Variants in VPS13C observed in about 807,000 individuals in gnomAD.
VPS13C encodes vacuolar protein sorting 13 homolog C.
VPS13C carries 358 observed loss-of-function variants against 456.8 expected under a neutral mutation model. That is an observed-to-expected ratio of 0.78 (90% CI 0.72 to 0.86). The LOEUF (loss-of-function observed/expected upper bound fraction) is 0.86, where lower values mean the gene tolerates loss of function less well. Ranked by LOEUF, VPS13C falls within the 40% of genes least tolerant of loss-of-function variation. VPS13C has a pLI of 0.00. For missense variants in VPS13C, 4,818 were observed against 4,385.4 expected, an observed-to-expected ratio of 1.10 and a Z score of -2.79; for synonymous variants, 1,578 against 1,486.7, an observed-to-expected ratio of 1.06 and a Z score of -1.41.
At chr15:62,049,221 G>T (rs2048535613) in intron 1 of VPS13C, among the ~76,000 whole-genome samples, 1 of 152,166 alleles carries the variant, frequency 6.6e-6, no homozygotes, top group African/African-American at 2.4e-5. Flanking sequence ...TTCTTCTAGG[G>T]TTTTTATGGT....
intron 18 of VPS13C, among the ~76,000 whole-genome samples, chr15:61,990,798 G>T (rs562771003): frequency 6.6e-6 from 1 of 152,054 alleles, no homozygotes; most frequent in Admixed American, 6.6e-5. Context: ...GTGACAGAGC[G>T]AGACTCCATC....
At chr15:62,015,857 G>T (rs1266055828) in intron 9 of VPS13C, among the ~76,000 whole-genome samples, 1 of 135,004 alleles carries the variant, frequency 7.4e-6, no homozygotes, top group Non-Finnish European at 1.6e-5. Context: ...TGGGTGCAGC[G>T]CACCAGCATG....
At chr15:62,047,748 A>C (rs777802399) in intron 1 of VPS13C, among the ~76,000 whole-genome samples, 1 of 152,172 alleles carries the variant, frequency 6.6e-6, no homozygotes, top group South Asian at 2.1e-4. Context: ...TCTCCACTAA[A>C]CTGCATGCTA....
chr15:62,047,564 C>G (rs948285587), intron 1 of VPS13C, among the ~76,000 whole-genome samples: 3 of 152,188 alleles, frequency 2.0e-5, no homozygotes, highest in Non-Finnish European at 2.9e-5. Context: ...ATAATACATT[C>G]TCCAAGTTAT....
intron 1 of VPS13C, among the ~76,000 whole-genome samples, chr15:62,047,465 T>C (rs2048454304): frequency 6.6e-6 from 1 of 151,962 alleles, no homozygotes; most frequent in Admixed American, 6.6e-5. Flanking sequence ...GCAGTATCTA[T>C]TTCTGCCACC....
At chr15:61,909,295 T>C (rs2043233941) in intron 64 of VPS13C, among the ~76,000 whole-genome samples, 170 bp from the exon 65 acceptor site, 1 of 152,128 alleles carries the variant, frequency 6.6e-6, no homozygotes, top group South Asian at 2.1e-4. Flanking sequence ...GCAACCTCCA[T>C]CTCCCAGGTT....
Position 61,934,246 on chromosome 15 carries a change from A to C in VPS13C, c.5841T>G (p.Ile1947Met), listed in dbSNP as rs764419379. 3.1e-6 allele frequency: 5 copies of C among 1,596,122 alleles called. No individual in the cohort carries two copies. Among genetic ancestry groups the C allele is most frequent in the Non-Finnish European group, 3.4e-6 (4 of 1,169,962 alleles). ...GGTTGATATCATTGTTATAAAGGAT[A>C]ATGGAAAGAGATTCAAAGTGAAAGT... is the stretch of plus-strand genomic sequence containing the variant. Reference protein sequence around the residue: ...QFDFHFESLSIILYNNDINQE... With the variant: ...QFDFHFESLSMILYNNDINQE... The change falls in exon 49 of 85, where the codon ATT (isoleucine) becomes ATG (methionine). Residue 1947 changes from isoleucine (I) to methionine (M), a missense_variant. By Grantham distance (10) the Ile-to-Met change is conservative. Around this residue, in one of 3 missense-constraint regions of VPS13C, gnomAD observed 4,552 missense variants for 4,130.6 expected, o/e 1.10. Transcript: ENST00000644861.
intron 26 of VPS13C, 118 bp from the exon 27 acceptor site, chr15:61,972,882 A>G: frequency 8.8e-7 from 1 of 1,131,304 alleles, no homozygotes; most frequent in South Asian, 1.9e-5. Flanking sequence ...CTTCATATTC[A>G]GCATCAGAAT....
intron 15 of VPS13C, among the ~76,000 whole-genome samples, chr15:62,005,477 C>T (rs1450405044): frequency 6.6e-6 from 1 of 151,974 alleles, no homozygotes; most frequent in Non-Finnish European, 1.5e-5. Context: ...ATCCAATTTG[C>T]CAGTCTGTGT....
In VPS13C at chr15:62,033,514, T is replaced by G; in HGVS notation, c.312A>C (p.Glu104Asp). The change falls in exon 5 of 85, where the codon GAA becomes GAC. Residue 104 changes from glutamate (E) to aspartate (D), a missense_variant. Transcript: ENST00000644861. The part of the protein sequence containing the change: ...ASIKYDAVKE[E>D]KSLQDVKQKE... ...TCTGTTTAACATCCTGCAAGGATTT[T>G]TCTTCTTTTACAGCATCATACTTAA... is the stretch of plus-strand genomic sequence containing the variant. The G allele has an allele frequency of 1.9e-6, 3 of 1,606,270 alleles. No homozygotes were observed. Among genetic ancestry groups the G allele is most frequent in the Non-Finnish European group, 2.6e-6 (3 of 1,175,706 alleles).
rs1321776028 is a variant in VPS13C, at chr15:61,984,754, A to G, written c.1721+103T>C. Reference sequence around the variant, plus strand: ...ATCTTGACATATACAAGGAAAAGAAATTAAAGAGCTGGCACTAATCATTTT... The same window carrying G: ...ATCTTGACATATACAAGGAAAAGAAGTTAAAGAGCTGGCACTAATCATTTT... On this transcript the variant is annotated intron_variant, in intron 19 of 84. Transcript: ENST00000644861. The G allele has an allele frequency of 3.4e-6, 4 of 1,193,480 alleles. No homozygotes were observed. The African/African-American group carries it at 6.3e-5, about 19-fold the overall frequency. The allele number at this position is 1,193,480 out of a possible 1,614,324, so 73.9% of individuals were successfully genotyped here.
At chr15:62,023,910 A>G in intron 6 of VPS13C, 65 bp from the exon 7 acceptor site, 1 of 1,442,846 alleles carries the variant, frequency 6.9e-7, no homozygotes, top group Non-Finnish European at 9.4e-7. Flanking sequence ...ACAGGACAGA[A>G]AAGAAAACAA....
intron 82 of VPS13C, among the ~76,000 whole-genome samples, chr15:61,860,416 T>C (rs971540856): frequency 6.6e-6 from 1 of 152,114 alleles, no homozygotes; most frequent in African/African-American, 2.4e-5. Flanking sequence ...TTCTGAAAAA[T>C]GACTTGGCGA....
intron 40 of VPS13C, 64 bp from the exon 41 acceptor site, chr15:61,950,481 T>C (rs1567038758): frequency 8.9e-6 from 11 of 1,231,598 alleles, no homozygotes; most frequent in East Asian, 2.4e-5. Context: ...ACTGAAAATA[T>C]ACATATTCTT....
At chr15:61,883,731 C>T (rs191769052) in intron 68 of VPS13C, among the ~76,000 whole-genome samples, 1 of 152,124 alleles carries the variant, frequency 6.6e-6, no homozygotes, top group African/African-American at 2.4e-5. Context: ...TGTAATTTTA[C>T]ACGGTCTTTA....
intron 15 of VPS13C, among the ~76,000 whole-genome samples, chr15:62,001,862 G>A (rs973707631): frequency 3.9e-5 from 6 of 152,152 alleles, no homozygotes; most frequent in Admixed American, 6.5e-5. Flanking sequence ...CATTTTTTAT[G>A]ACTGCATAGT....
chr15:62,060,408 G>A lies in VPS13C; in HGVS notation c.-34C>T, dbSNP rs372165482. On this transcript the variant is annotated 5_prime_UTR_variant, in exon 1 of 85. Transcript: ENST00000644861. ...TGAGGCACAAGGAGAGGGAGGAGCC[G>A]GAACCGCCCGGCGCAGCTGAGGGCT... is the stretch of plus-strand genomic sequence containing the variant. 7.7e-6 allele frequency: 9 copies of A among 1,171,306 alleles called. No individual in the cohort carries two copies. The African/African-American group carries it at 8.0e-5, about 10-fold the overall frequency. 72.6% of individuals were successfully genotyped at this position (1,171,306 alleles called of 1,614,324 possible).
chr15:61,958,933 T>C (rs1317072690), intron 36 of VPS13C, among the ~76,000 whole-genome samples: 2 of 152,062 alleles, frequency 1.3e-5, no homozygotes, highest in African/African-American at 4.8e-5. Flanking sequence ...AAAACCAGTG[T>C]AATTTATCAG....
intron 50 of VPS13C, among the ~76,000 whole-genome samples, chr15:61,930,603 G>A (rs936086890): frequency 6.6e-6 from 1 of 152,152 alleles, no homozygotes; most frequent in African/African-American, 2.4e-5. Context: ...ATTTTAGAAT[G>A]AGCTAATATA....
Sources: allele counts gnomAD v4.1 joint callset (sites outside exome capture counted in the v4.1 genomes callset), GRCh38; gene constraint gnomAD v4.1.1; regional missense constraint gnomAD v4.1.1; transcripts MANE v1.5; gene names NCBI Gene and HGNC (gene_info 2026-07-23, HGNC 2026-07-21).